NOVA1: variants seen among roughly 807,000 people sequenced by gnomAD.
NOVA1 encodes RNA-binding protein Nova-1.
In NOVA1, 7 loss-of-function variants were observed where a neutral mutation model predicts 38.0. That is an observed-to-expected ratio of 0.18 (90% CI 0.10 to 0.35). The LOEUF (loss-of-function observed/expected upper bound fraction) is 0.35, where lower values mean the gene tolerates loss of function less well. Among genes scored for constraint, NOVA1 ranks in the 10% least tolerant of loss-of-function variants. The pLI is 1.00. For synonymous variants in NOVA1, 270 were observed against 232.5 expected (o/e 1.16, Z -1.47); for missense variants, 460 against 616.0 (o/e 0.75, Z 2.68).
At chr14:26,474,625 T>C (rs1884833551) in intron 3 of NOVA1, among the ~76,000 whole-genome samples, 1 of 151,982 alleles carries the variant, frequency 6.6e-6, no homozygotes, top group African/African-American at 2.4e-5. Flanking sequence ...AAATCAATGA[T>C]TTTAAATTTC....
At chr14:26,572,268 C>T (rs943051193) in intron 2 of NOVA1, among the ~76,000 whole-genome samples, 1 of 151,676 alleles carries the variant, frequency 6.6e-6, no homozygotes, top group Non-Finnish European at 1.5e-5. Flanking sequence ...GAATTGGCAA[C>T]AATTATAGAA....
intron 3 of NOVA1, among the ~76,000 whole-genome samples, chr14:26,477,036 A>G (rs565381843): frequency 3.0e-4 from 45 of 152,294 alleles, no homozygotes; most frequent in African/African-American, 9.9e-4. Flanking sequence ...TTTTTATAGC[A>G]TATTGTTTAC....
chr14:26,447,807 T>G lies in NOVA1; in HGVS notation c.*152A>C, dbSNP rs1882202289. The G allele has an allele frequency of 3.1e-6, 2 of 638,216 alleles. No individual in the cohort carries two copies. The highest frequency in any genetic ancestry group is 5.5e-6 in the Non-Finnish European group (2 of 363,166). The allele number at this position is 638,216 out of a possible 1,614,324, so 39.5% of individuals were successfully genotyped here. ...ATGAAACATCTGGTAAAACACATAT[T>G]ATTTACATATACACATTGTCAACAT... On this transcript the variant is annotated 3_prime_UTR_variant, in exon 5 of 5. Transcript: ENST00000539517.
chr14:26,446,477 T>G lies in NOVA1; in HGVS notation c.*1482A>C, dbSNP rs1262486919. On this transcript the variant is annotated 3_prime_UTR_variant, in exon 5 of 5. Transcript: ENST00000539517. Reference sequence around the variant, plus strand: ...GATGGACGTAATCAATGGGTTGAAGTTGAGATGGAAGTAATTCTCTTTTGT... The same window carrying G: ...GATGGACGTAATCAATGGGTTGAAGGTGAGATGGAAGTAATTCTCTTTTGT... 2.0e-5 allele frequency: 3 copies of G among 152,674 alleles called. No individual in the cohort carries two copies. Among genetic ancestry groups the G allele is most frequent in the African/African-American group, 7.2e-5 (3 of 41,454 alleles). 9.5% of individuals were successfully genotyped at this position (152,674 alleles called of 1,614,324 possible). A position where few individuals can be genotyped will look rare whatever the true frequency, so the allele number is the denominator to read the frequency against.
intron 4 of NOVA1, among the ~76,000 whole-genome samples, chr14:26,460,391 ATATGG>A (rs1883553810): frequency 6.6e-6 from 1 of 152,050 alleles, no homozygotes; most frequent in Non-Finnish European, 1.5e-5. Flanking sequence ...CTTTTCATAT[ATATGG>A]GTGAAATAGT....
At chr14:26,497,076 C>G (rs191906325) in intron 2 of NOVA1, among the ~76,000 whole-genome samples, 1 of 151,994 alleles carries the variant, frequency 6.6e-6, no homozygotes, top group African/African-American at 2.4e-5. Flanking sequence ...TCTATATAAG[C>G]TGATAAGCAA....
intron 4 of NOVA1, chr14:26,470,402 T>A: frequency 6.6e-7 from 1 of 1,520,786 alleles, no homozygotes; most frequent in Non-Finnish European, 9.1e-7. Context: ...TATGAAAGAT[T>A]GATGATTACA....
Position 26,443,281 on chromosome 14 carries a change from T to C in NOVA1, c.*4678A>G, listed in dbSNP as rs1258779977. 2.0e-5 allele frequency: 3 copies of C among 152,106 alleles called. No individual in the cohort carries two copies. In the East Asian group the frequency reaches 5.8e-4, roughly 29 times the overall value. The allele number at this position is 152,106 out of a possible 1,614,324, so 9.4% of individuals were successfully genotyped here. On this transcript the variant is annotated 3_prime_UTR_variant, in exon 5 of 5. Transcript: ENST00000539517. ...GAGACAATTGCCTTTCCATTGCAAT[T>C]ATAAAAAACTATTTAAAAAAAATTC...
intron 2 of NOVA1, among the ~76,000 whole-genome samples, chr14:26,584,453 A>G (rs1893400275): frequency 6.6e-6 from 1 of 151,670 alleles, no homozygotes; most frequent in African/African-American, 2.4e-5. Context: ...CACACAGCAG[A>G]TGTAGATTTA....
At chr14:26,528,997 T>C (rs368809314) in intron 2 of NOVA1, among the ~76,000 whole-genome samples, 1 of 152,162 alleles carries the variant, frequency 6.6e-6, no homozygotes, top group South Asian at 2.1e-4. Context: ...ATGACGTGAA[T>C]GGCTTGGCTC....
chr14:26,454,340 T>C (rs1255068906), intron 4 of NOVA1, among the ~76,000 whole-genome samples: 2 of 152,140 alleles, frequency 1.3e-5, no homozygotes, highest in Non-Finnish European at 2.9e-5. Context: ...TTTGAGCACA[T>C]GACGCAGGAT....
In NOVA1 at chr14:26,445,976, T is replaced by C. The variant is rs1882033245; in HGVS notation, c.*1983A>G. On this transcript the variant is annotated 3_prime_UTR_variant, in exon 5 of 5. Transcript: ENST00000539517. ...ACCACTGATTCCACGAGATACACTATTTGTCAAAACTTACACAGCTACAGA... is the reference window on the plus strand; with the variant it reads ...ACCACTGATTCCACGAGATACACTACTTGTCAAAACTTACACAGCTACAGA... 1 of 152,572 alleles carries C rather than the reference T, an allele frequency of 6.6e-6. No homozygotes were observed. Among genetic ancestry groups the C allele is most frequent in the South Asian group, 2.1e-4 (1 of 4,834 alleles). 9.5% of individuals were successfully genotyped at this position (152,572 alleles called of 1,614,324 possible). A position where few individuals can be genotyped will look rare whatever the true frequency, so the allele number is the denominator to read the frequency against.
Position 26,443,670 on chromosome 14 carries a change from T to C in NOVA1, c.*4289A>G, listed in dbSNP as rs1212972941. 1 of 152,198 alleles carries C rather than the reference T, an allele frequency of 6.6e-6. No homozygotes were observed. The highest frequency in any genetic ancestry group is 2.4e-5 in the African/African-American group (1 of 41,388). 9.4% of individuals were successfully genotyped at this position (152,198 alleles called of 1,614,324 possible). A position where few individuals can be genotyped will look rare whatever the true frequency, so the allele number is the denominator to read the frequency against. ...TACCCTTTATGTAAAAAGACATCTA[T>C]GAACAACAGTGCATAACAATATTAT... On this transcript the variant is annotated 3_prime_UTR_variant, in exon 5 of 5. Coordinates refer to ENST00000539517, the MANE Select transcript of NOVA1 (RefSeq NM_002515.3).
chr14:26,508,831 A>G (rs937074944), intron 2 of NOVA1, among the ~76,000 whole-genome samples: 29 of 152,028 alleles, frequency 1.9e-4, no homozygotes, highest in Non-Finnish European at 2.9e-4. Flanking sequence ...TTTATATTTT[A>G]AAAATGAATT....
chr14:26,565,702 T>C (rs1892094219), intron 2 of NOVA1, among the ~76,000 whole-genome samples: 1 of 152,120 alleles, frequency 6.6e-6, no homozygotes, highest in Non-Finnish European at 1.5e-5. Flanking sequence ...ACTAATTACA[T>C]AAAATACAAG....
chr14:26,573,851 G>A (rs1892642793), intron 2 of NOVA1, among the ~76,000 whole-genome samples: 1 of 152,080 alleles, frequency 6.6e-6, no homozygotes, highest in South Asian at 2.1e-4. Context: ...GAAAAGATAT[G>A]TTAGACTGAG....
At chr14:26,449,008 C>T (rs1397153323) in intron 4 of NOVA1, 45 bp from the exon 5 acceptor site, 2 of 1,498,228 alleles carry the variant, frequency 1.3e-6, no homozygotes, top group South Asian at 1.3e-5. Flanking sequence ...CTGTTTTGTG[C>T]ATATACATTA....
intron 3 of NOVA1, 26 bp downstream of exon 3, chr14:26,479,950 TC>T: frequency 6.2e-7 from 1 of 1,610,430 alleles, no homozygotes; most frequent in Non-Finnish European, 8.5e-7. Context: ...TGGATATTTC[TC>T]TTTGATTTCT....
intron 2 of NOVA1, among the ~76,000 whole-genome samples, chr14:26,546,042 T>C (rs571780805): frequency 5.1e-4 from 78 of 152,204 alleles, no homozygotes; most frequent in African/African-American, 1.7e-3. Flanking sequence ...GCAGAAATCA[T>C]TTGATATATA....
Sources: gnomAD v4.1 joint callset for allele counts (sites outside exome capture counted in the v4.1 genomes callset) on GRCh38, gnomAD v4.1.1 for gene constraint, MANE v1.5 for transcripts, NCBI Gene and HGNC (gene_info 2026-07-23, HGNC 2026-07-21) for gene names.